SNRNP200: variants seen among roughly 807,000 people sequenced by gnomAD.
SNRNP200 encodes the protein small nuclear ribonucleoprotein U5 subunit 200.
In SNRNP200, 66 loss-of-function variants were observed where a neutral mutation model predicts 255.2. The ratio of observed to expected loss-of-function variants is 0.26; its 90% CI spans 0.21 to 0.32. The LOEUF is 0.32. SNRNP200 is among the 10% of genes least tolerant of loss of function. SNRNP200 has a pLI of 1.00. For missense variants in SNRNP200, 1,585 were observed against 2,749.8 expected, an observed-to-expected ratio of 0.58 and a Z score of 9.47; for synonymous variants, 939 against 1,027.8, an observed-to-expected ratio of 0.91 and a Z score of 1.65.
intron 34 of SNRNP200, chr2:96,282,498 G>A (rs543018861): frequency 5.6e-6 from 1 of 178,184 alleles, no homozygotes; most frequent in South Asian, 1.2e-4. Flanking sequence ...ATCTTGGTGA[G>A]ACGGTTTGGA....
Position 96,279,354 on chromosome 2 carries a change from A to G in SNRNP200, c.5133+97T>C, listed in dbSNP as rs1558763596. ...TGTGTAAATAAGAGAGGCAGAAGTT[A>G]AGAGACTAAAGTTACTGAAGACATC... On this transcript the variant is annotated intron_variant, in intron 36 of 44. Transcript: ENST00000323853. The G allele has an allele frequency of 1.1e-5, 9 of 831,814 alleles. No homozygotes were observed. The East Asian group carries it at 2.1e-4, about 19-fold the overall frequency. The allele number at this position is 831,814 out of a possible 1,614,324, so 51.5% of individuals were successfully genotyped here. A position where few individuals can be genotyped will look rare whatever the true frequency, so the allele number is the denominator to read the frequency against.
At chr2:96,300,880 C>T (rs1321960939) in intron 5 of SNRNP200, 118 bp downstream of exon 5, 3 of 849,652 alleles carry the variant, frequency 3.5e-6, no homozygotes, top group South Asian at 1.4e-5. Context: ...GTCTGAAACC[C>T]ATACAACACC....
Position 96,286,520 on chromosome 2 carries a change from C to G in SNRNP200, c.3830-36G>C. On this transcript the variant is annotated intron_variant, in intron 28 of 44. Coordinates refer to ENST00000323853, the MANE Select transcript of SNRNP200 (RefSeq NM_014014.5). The surrounding 1 kb of genome is among the most constrained non-coding windows in gnomAD (Gnocchi z 4.8). ...AGAAACAGGAAGGATATAAGCACTGCTCTCTTTCCCTCACTGGCCTCTAGA... is the reference window on the plus strand; with the variant it reads ...AGAAACAGGAAGGATATAAGCACTGGTCTCTTTCCCTCACTGGCCTCTAGA... The G allele has an allele frequency of 1.2e-6, 2 of 1,610,854 alleles. No homozygotes were observed. Among genetic ancestry groups the G allele is most frequent in the Non-Finnish European group, 1.7e-6 (2 of 1,178,144 alleles).
chr2:96,296,909 A>C, intron 12 of SNRNP200, 24 bp downstream of exon 12: 1 of 1,614,182 alleles, frequency 6.2e-7, no homozygotes, highest in Non-Finnish European at 8.5e-7. Context: ...TCTACAAGAA[A>C]ACAGCAGGCA....
Position 96,289,017 on chromosome 2 carries a change from C to G in SNRNP200, c.3174+20G>C, listed in dbSNP as rs1328710122. 5.0e-6 allele frequency: 8 copies of G among 1,591,246 alleles called. No individual in the cohort carries two copies. The Admixed American group carries it at 1.4e-4, about 28-fold the overall frequency. On this transcript the variant is annotated intron_variant, in intron 23 of 44. Coordinates refer to ENST00000323853, the MANE Select transcript of SNRNP200 (RefSeq NM_014014.5). The stretch of plus-strand genomic sequence containing the variant: ...CACTTAATCCTCATCCTTATCAAAG[C>G]AAAGAGGAGAGGAGCTCACCTTAGC...
rs150442718 is a variant in SNRNP200, at chr2:96,277,085, G to A, written c.6088C>T (p.Arg2030Cys). Residue 2030 changes from arginine (R) to cysteine (C), a missense_variant, in exon 42 of 45, where the codon CGC becomes TGC. Transcript: ENST00000323853. The surrounding 1 kb of genome is among the most constrained non-coding windows in gnomAD (Gnocchi z 4.4). ...CAGGCACCACCTCTGGCTCACCTGC[G>A]GATGCTGTCCTTATCTACCACCTCA... ...SYEVVDKDSI[R>C]SGGPVVVLVQ... The A allele has an allele frequency of 5.5e-5, 89 of 1,614,164 alleles. No individual in the cohort carries two copies. The highest frequency in any genetic ancestry group is 1.1e-4 in the East Asian group (5 of 44,882).
rs764801625 is a variant in SNRNP200, at chr2:96,301,732, A to C, written c.382-16T>G. 1 of 1,614,046 alleles carries C rather than the reference A, an allele frequency of 6.2e-7. No individual in the cohort carries two copies. Among genetic ancestry groups the C allele is most frequent in the Admixed American group, 1.7e-5 (1 of 60,014 alleles). On this transcript the variant is annotated splice_polypyrimidine_tract_variant and intron_variant, in intron 3 of 44. Transcript: ENST00000323853. ...TATCACGTGGCTGGTGGCAAGAAAC[A>C]ACCAACCAATATTGAGAACGACGAC...
rs1470116745 is a variant in SNRNP200, at chr2:96,283,926, T to C, written c.4471A>G (p.Ser1491Gly). ...IERPIRIVAL[S>G]SSLSNAKDVA... is the part of the protein sequence containing the mutation. Reference sequence around the variant, plus strand: ...TCCTTGGCATTGGAGAGCGAAGAGCTGAGTGCCACAATGCGAATGGGCCGC... The same window carrying C: ...TCCTTGGCATTGGAGAGCGAAGAGCCGAGTGCCACAATGCGAATGGGCCGC... Residue 1491 changes from serine to glycine, a missense_variant, in exon 32 of 45, where the codon AGC (serine) becomes GGC (glycine). By Grantham distance (56) the Ser-to-Gly change is moderately conservative. Transcript: ENST00000323853. This position sits in a 1 kb window ranked among gnomAD's most constrained non-coding sequence, Gnocchi z 4.7. 1.1e-5 allele frequency: 17 copies of C among 1,599,550 alleles called. No homozygotes were observed. Among genetic ancestry groups the C allele is most frequent in the Non-Finnish European group, 1.4e-5 (17 of 1,173,190 alleles).
At position 96,299,426 on chromosome 2, in the gene SNRNP200, T is replaced by C. The variant is rs2063939348; in HGVS notation, c.632A>G (p.Glu211Gly). 1.9e-6 allele frequency: 3 copies of C among 1,613,380 alleles called. No homozygotes were observed. In the African/African-American group the frequency reaches 4.0e-5, roughly 22 times the overall value. ...VNVQFESDEEEGDEDVYGEVR... is the reference protein window; with the variant it reads ...VNVQFESDEEGGDEDVYGEVR... ...CTCCCCGTATACGTCTTCATCACCT[T>C]CCTGTGGAAATGACCCCAACTCAAC... Residue 211 changes from glutamate to glycine, a missense_variant and splice_region_variant, in exon 6 of 45, where the codon GAA (glutamate) becomes GGA (glycine). Physicochemically the swap from Glu to Gly is moderately conservative, Grantham distance 98. Coordinates refer to ENST00000323853, the MANE Select transcript of SNRNP200 (RefSeq NM_014014.5).
chr2:96,285,293 G>C lies in SNRNP200; in HGVS notation c.4051C>G (p.Pro1351Ala). Residue 1351 changes from proline to alanine, a missense_variant, in exon 30 of 45, where the codon CCC (proline) becomes GCC (alanine). This residue lies in a region of SNRNP200 where 719 missense variants were observed against 1,091.1 expected (regional missense o/e 0.66). Coordinates refer to ENST00000323853, the MANE Select transcript of SNRNP200 (RefSeq NM_014014.5). ...CAAATAGTCTTCCCGCTGCCCGTGG[G>C]GGCCCCCACAAACACGTTGTCGTCA... Reference protein sequence around the residue: ...NSDDNVFVGAPTGSGKTICAE... With the variant: ...NSDDNVFVGAATGSGKTICAE... 6.2e-7 allele frequency: 1 copy of C among 1,614,140 alleles called. No individual in the cohort carries two copies. The highest frequency in any genetic ancestry group is 8.5e-7 in the Non-Finnish European group (1 of 1,180,042).
At position 96,278,764 on chromosome 2, in the gene SNRNP200, T is replaced by C. The variant is rs1311070906; in HGVS notation, c.5323+45A>G. On this transcript the variant is annotated intron_variant, in intron 37 of 44. Transcript: ENST00000323853. This position sits in a 1 kb window ranked among gnomAD's most constrained non-coding sequence, Gnocchi z 6.9. ...CCTCAAGAAGATGCCCAGCAAAGAC[T>C]GTGAGAACCACCAAAGGATCACGTG... 1 of 1,614,132 alleles carries C rather than the reference T, an allele frequency of 6.2e-7. No individual in the cohort carries two copies. The highest frequency in any genetic ancestry group is 1.7e-5 in the Admixed American group (1 of 60,016).
In SNRNP200 at chr2:96,286,945, T is replaced by G; in HGVS notation, c.3639+61A>C. 6.2e-7 allele frequency: 1 copy of G among 1,613,804 alleles called. No homozygotes were observed. The highest frequency in any genetic ancestry group is 1.1e-5 in the South Asian group (1 of 91,058). ...GACTGAGTGCCTCCAATCCATCTCCTCGGCCCAGCAACGTAGACTGAGCAC... is the reference window on the plus strand; with the variant it reads ...GACTGAGTGCCTCCAATCCATCTCCGCGGCCCAGCAACGTAGACTGAGCAC... On this transcript the variant is annotated intron_variant, in intron 27 of 44. Transcript: ENST00000323853. This position sits in a 1 kb window ranked among gnomAD's most constrained non-coding sequence, Gnocchi z 4.8.
rs759730831 is a variant in SNRNP200, at chr2:96,299,321, G to A, written c.729+8C>T. 7 of 1,612,754 alleles carry A rather than the reference G, an allele frequency of 4.3e-6. No individual in the cohort carries two copies. The South Asian group carries it at 7.7e-5, about 18-fold the overall frequency. On this transcript the variant is annotated splice_region_variant and intron_variant, in intron 6 of 44. Coordinates refer to ENST00000323853, the MANE Select transcript of SNRNP200 (RefSeq NM_014014.5). The stretch of plus-strand genomic sequence containing the variant: ...TTGTAGCAATGAGGAAGAGCAAACT[G>A]AACTTACATTAGCCGAGAGGGTGCA...
At chr2:96,292,496 A>G (rs1293696243) in intron 16 of SNRNP200, among the ~76,000 whole-genome samples, 4 of 152,234 alleles carry the variant, frequency 2.6e-5, no homozygotes, top group Admixed American at 6.5e-5. Flanking sequence ...CACACTGTCT[A>G]GTAAAATGCC....
rs916191718 is a variant in SNRNP200 at position 96,281,945 on chromosome 2, A to G, written c.4916-23T>C. 3.8e-6 allele frequency: 6 copies of G among 1,587,178 alleles called. No individual in the cohort carries two copies. In the African/African-American group the frequency reaches 8.1e-5, roughly 21 times the overall value. ...CCCCTGAGCAGTAGAGGGGAGAGGAAGGCTGAGGGCAGGGGTCTCCGGGTG... is the reference window on the plus strand; with the variant it reads ...CCCCTGAGCAGTAGAGGGGAGAGGAGGGCTGAGGGCAGGGGTCTCCGGGTG... On this transcript the variant is annotated intron_variant, in intron 34 of 44. Coordinates refer to ENST00000323853, the MANE Select transcript of SNRNP200 (RefSeq NM_014014.5).
intron 30 of SNRNP200, 25 bp downstream of exon 30, chr2:96,285,155 C>A (rs757502681): frequency 6.2e-7 from 1 of 1,613,420 alleles, no homozygotes; most frequent in Non-Finnish European, 8.5e-7. Context: ...TTGGGAAATT[C>A]ACATGACACA....
chr2:96,278,599 A>G lies in SNRNP200; in HGVS notation c.5436T>C (p.Pro1812=). ...AGGCGGCGATCATGCCTAGGTTCAG[A>G]GGCGCCACGTCCATCTCGTCCTCGA... is the stretch of plus-strand genomic sequence containing the variant. ...ISIEDEMDVA[P]LNLGMIAAYY... The change falls in exon 38 of 45, where the codon CCT becomes CCC. Residue 1812 remains proline (P), a synonymous_variant. Coordinates refer to ENST00000323853, the MANE Select transcript of SNRNP200 (RefSeq NM_014014.5). The surrounding 1 kb of genome is among the most constrained non-coding windows in gnomAD (Gnocchi z 6.9). 3 of 1,614,178 alleles carry G rather than the reference A, an allele frequency of 1.9e-6. No homozygotes were observed. Among genetic ancestry groups the G allele is most frequent in the Non-Finnish European group, 2.5e-6 (3 of 1,180,040 alleles).
At chr2:96,275,466 T>C (rs1043117280) in intron 43 of SNRNP200, 117 bp from the exon 44 acceptor site, 6 of 861,998 alleles carry the variant, frequency 7.0e-6, no homozygotes, top group African/African-American at 5.0e-5. Flanking sequence ...CCAAAGTTTC[T>C]TCCCGAAATA....
Position 96,298,220 on chromosome 2 carries a change from A to C in SNRNP200, c.1119+64T>G. ...CCACTTTTAACATGAATTTAGCTTC[A>C]TGCTGCAATCTTCTAGCCACCGTTA... On this transcript the variant is annotated intron_variant, in intron 9 of 44. Transcript: ENST00000323853. 1.9e-6 allele frequency: 3 copies of C among 1,608,854 alleles called. No homozygotes were observed. In the Admixed American group the frequency reaches 5.0e-5, roughly 27 times the overall value.
Sources: gnomAD v4.1 joint callset for allele counts (sites outside exome capture counted in the v4.1 genomes callset) on GRCh38, gnomAD v4.1.1 for gene constraint, gnomAD v4.1.1 regional missense constraint, Gnocchi (gnomAD v3.1) non-coding constraint, MANE v1.5 for transcripts, NCBI Gene and HGNC (gene_info 2026-07-23, HGNC 2026-07-21) for gene names.